FBN2: variants seen among roughly 807,000 people sequenced by gnomAD.
The protein encoded by FBN2 is fibrillin-2.
FBN2 carries 105 observed loss-of-function variants against 355.6 expected under a neutral mutation model. That is an observed-to-expected ratio of 0.30 (90% CI 0.25 to 0.35). The LOEUF is 0.35. FBN2 is among the 10% of genes least tolerant of loss of function. The pLI is 1.00. For synonymous variants in FBN2, 1,350 were observed against 1,301.2 expected (o/e 1.04, Z -0.81); for missense variants, 3,280 against 3,758.7 (o/e 0.87, Z 3.33).
chr5:128,448,010 GT>G (rs1754121560), intron 6 of FBN2, among the ~76,000 whole-genome samples: 1 of 152,178 alleles, frequency 6.6e-6, no homozygotes, highest in Admixed American at 6.5e-5. Flanking sequence ...TGGGCACTTG[GT>G]TTATCTTTAG....
At chr5:128,328,581 G>A in intron 34 of FBN2, 115 bp downstream of exon 34, 1 of 1,059,690 alleles carries the variant, frequency 9.4e-7, no homozygotes, top group Non-Finnish European at 1.4e-6. Context: ...GACTTTTATA[G>A]TGCAGCATGT....
chr5:128,510,420 G>A (rs375092567), intron 5 of FBN2, among the ~76,000 whole-genome samples: 13 of 152,148 alleles, frequency 8.5e-5, no homozygotes, highest in South Asian at 2.1e-4. Flanking sequence ...AGCAAGCTGC[G>A]GAAGTCAAAA....
chr5:128,305,406 G>T, intron 44 of FBN2, 105 bp downstream of exon 44: 1 of 1,312,242 alleles, frequency 7.6e-7, no homozygotes, highest in Non-Finnish European at 1.1e-6. Flanking sequence ...AAATGAACAG[G>T]TTAAGTGAGA....
Position 128,283,926 on chromosome 5 carries a change from C to T in FBN2, c.7012+2792G>A, listed in dbSNP as rs568705460. ...ATCTTTTATACATATTCAATCAATCCATCAGAAATCCAATCTGTTGATTAT... is the reference window on the plus strand; with the variant it reads ...ATCTTTTATACATATTCAATCAATCTATCAGAAATCCAATCTGTTGATTAT... On this transcript the variant is annotated intron_variant, in intron 55 of 64. Transcript: ENST00000262464. 2.6e-4 allele frequency among the ~76,000 whole-genome samples: 39 copies of T among 152,238 alleles called. No individual in the cohort carries two copies. In the East Asian group the frequency reaches 6.9e-3, roughly 27 times the overall value.
intron 7 of FBN2, among the ~76,000 whole-genome samples, chr5:128,436,665 T>TAA (rs1561456077): frequency 7.2e-6 from 1 of 138,614 alleles, no homozygotes; most frequent in African/African-American, 2.7e-5. Context: ...GTGGCTCCAC[T>TAA]TAAAAAAAAA....
Position 128,341,270 on chromosome 5 carries a change from C to G in FBN2, c.3344-2209G>C, listed in dbSNP as rs567034585. ...AAGAACCCTGAGCTTCTTTATCCAG[C>G]ACCAGGATTGCCTATACCAGTGGAA... On this transcript the variant is annotated intron_variant, in intron 25 of 64. Coordinates refer to ENST00000262464, the MANE Select transcript of FBN2 (RefSeq NM_001999.4). Among the ~76,000 whole-genome samples the G allele has an allele frequency of 2.0e-5, 3 of 152,316 alleles. No individual in the cohort carries two copies. In the South Asian group the frequency reaches 6.2e-4, roughly 32 times the overall value.
chr5:128,321,133 T>A (rs1187199554), intron 34 of FBN2, among the ~76,000 whole-genome samples: 1 of 152,236 alleles, frequency 6.6e-6, no homozygotes, highest in Non-Finnish European at 1.5e-5. Flanking sequence ...GGGACTTTTA[T>A]GAAATCACAG....
chr5:128,312,227 G>C (rs1024677532), intron 37 of FBN2, among the ~76,000 whole-genome samples: 12 of 152,092 alleles, frequency 7.9e-5, no homozygotes, highest in Non-Finnish European at 1.5e-4. Context: ...ATTAAGACTA[G>C]AGAAAACAGG....
At chr5:128,298,886 G>A (rs567194992) in intron 48 of FBN2, among the ~76,000 whole-genome samples, 1 of 152,324 alleles carries the variant, frequency 6.6e-6, no homozygotes, top group African/African-American at 2.4e-5. Context: ...GTGAGGAACT[G>A]CGTTCCTTTG....
intron 62 of FBN2, 45 bp from the exon 63 acceptor site, chr5:128,263,701 G>A (rs370680619): frequency 2.1e-6 from 3 of 1,432,882 alleles, no homozygotes; most frequent in African/African-American, 1.4e-5. Context: ...AAGCAGGCAA[G>A]AGCAAAAACG....
At chr5:128,394,289 T>C (rs1752592521) in intron 9 of FBN2, among the ~76,000 whole-genome samples, 1 of 152,194 alleles carries the variant, frequency 6.6e-6, no homozygotes, top group South Asian at 2.1e-4. Context: ...ATTTGTACTT[T>C]ACTACTCATA....
chr5:128,308,931 T>C (rs745763179), intron 41 of FBN2, among the ~76,000 whole-genome samples: 11 of 152,220 alleles, frequency 7.2e-5, no homozygotes, highest in Non-Finnish European at 1.3e-4. Context: ...TCAAGAAATA[T>C]TTGTTTGATG....
intron 5 of FBN2, among the ~76,000 whole-genome samples, chr5:128,477,092 T>C (rs1755023197): frequency 6.6e-6 from 1 of 152,252 alleles, no homozygotes; most frequent in Non-Finnish European, 1.5e-5. Flanking sequence ...TGTATAGCTG[T>C]GTGATCCAAA....
intron 7 of FBN2, among the ~76,000 whole-genome samples, chr5:128,429,974 A>G (rs1005994880): frequency 3.3e-5 from 5 of 152,202 alleles, no homozygotes; most frequent in Admixed American, 6.5e-5. Context: ...TTGTACTTAG[A>G]ATTCAACAAA....
At chr5:128,459,112 A>G (rs1445352993) in intron 6 of FBN2, among the ~76,000 whole-genome samples, 1 of 152,184 alleles carries the variant, frequency 6.6e-6, no homozygotes, top group African/African-American at 2.4e-5. Context: ...AAAAAATGAT[A>G]AAGGGGACAT....
chr5:128,505,487 T>C (rs1032764014), intron 5 of FBN2, among the ~76,000 whole-genome samples: 1 of 152,140 alleles, frequency 6.6e-6, no homozygotes, highest in African/African-American at 2.4e-5. Context: ...ATAATAAACA[T>C]ACAATCAGCA....
chr5:128,332,046 A>T (rs1356162755), intron 32 of FBN2, among the ~76,000 whole-genome samples: 2 of 152,224 alleles, frequency 1.3e-5, no homozygotes, highest in Admixed American at 1.3e-4. Context: ...GGAAGCTCTG[A>T]TACTTCAAAT....
In FBN2 at chr5:128,323,520, G is replaced by A. The variant is rs186582758; in HGVS notation, c.4472-4519C>T. 1.3e-4 allele frequency among the ~76,000 whole-genome samples: 19 copies of A among 151,880 alleles called. 1 individual carries two copies. In the East Asian group the frequency reaches 3.1e-3, roughly 25 times the overall value. The stretch of plus-strand genomic sequence containing the variant: ...ATTTTATCAAAGGCCTAGTTTTATC[G>A]AAGGCCTTACTGCATCTTTTGAGAT... On this transcript the variant is annotated intron_variant, in intron 34 of 64. Transcript: ENST00000262464.
At chr5:128,531,734 A>ATG (rs1359242361) in intron 2 of FBN2, among the ~76,000 whole-genome samples, 1 of 150,318 alleles carries the variant, frequency 6.7e-6, no homozygotes, top group African/African-American at 2.4e-5. Context: ...ATATATATAT[A>ATG]TATATATACA....
Sources: gnomAD v4.1 joint callset for allele counts (sites outside exome capture counted in the v4.1 genomes callset) on GRCh38, gnomAD v4.1.1 for gene constraint, MANE v1.5 for transcripts, NCBI Gene and HGNC (gene_info 2026-07-23, HGNC 2026-07-21) for gene names.